DEUP1: variants seen among roughly 807,000 people sequenced by gnomAD.
DEUP1 encodes deuterosome assembly protein 1, also known as coiled-coil domain containing 67.
DEUP1 carries 82 observed loss-of-function variants against 87.4 expected under a neutral mutation model. That is an observed-to-expected ratio of 0.94 (90% CI 0.78 to 1.13). The LOEUF (loss-of-function observed/expected upper bound fraction) is 1.13, where lower values mean the gene tolerates loss of function less well. Among genes scored for constraint, DEUP1 ranks in the 50% most tolerant of loss-of-function variants. The pLI is 0.00. For synonymous variants in DEUP1, 214 were observed against 222.7 expected (o/e 0.96, Z 0.35); for missense variants, 663 against 681.5 (o/e 0.97, Z 0.30).
intron 7 of DEUP1, among the ~76,000 whole-genome samples, chr11:93,385,077 CT>C (rs1160662334): frequency 6.6e-6 from 1 of 152,118 alleles, no homozygotes; most frequent in Admixed American, 6.6e-5. Flanking sequence ...TAAAAATTAG[CT>C]GGGCATGGTG....
At chr11:93,399,374 G>A (rs182481715) in intron 11 of DEUP1, among the ~76,000 whole-genome samples, 1 of 151,752 alleles carries the variant, frequency 6.6e-6, no homozygotes, top group Admixed American at 6.6e-5. Context: ...ATTTGGAATT[G>A]AAGTAAGTTT....
At chr11:93,356,864 G>T in intron 3 of DEUP1, 84 bp from the exon 4 acceptor site, 1 of 816,072 alleles carries the variant, frequency 1.2e-6, no homozygotes, top group South Asian at 1.6e-5. Flanking sequence ...CATTTTATTT[G>T]AATTGTTCTT....
intron 7 of DEUP1, among the ~76,000 whole-genome samples, chr11:93,371,931 CTT>C (rs72050582): frequency 3.0e-4 from 42 of 139,594 alleles, no homozygotes; most frequent in East Asian, 1.5e-3. Context: ...ATATGTATTT[CTT>C]TTTTTTTTTT....
chr11:93,339,422 T>C (rs1450811561), intron 2 of DEUP1, among the ~76,000 whole-genome samples: 2 of 152,200 alleles, frequency 1.3e-5, no homozygotes, highest in African/African-American at 4.8e-5. Context: ...TGCAAATACT[T>C]TATGCTAATC....
intron 2 of DEUP1, among the ~76,000 whole-genome samples, chr11:93,350,265 A>G (rs1264091840): frequency 6.6e-6 from 1 of 152,194 alleles, no homozygotes; most frequent in Non-Finnish European, 1.5e-5. Flanking sequence ...ACAAAAGAAG[A>G]GGAAGTACAC....
intron 4 of DEUP1, among the ~76,000 whole-genome samples, chr11:93,361,158 C>A (rs927639354): frequency 9.9e-5 from 15 of 152,124 alleles, no homozygotes; most frequent in Middle Eastern, 6.8e-3. Context: ...GAGCTTTCAA[C>A]CCAGAATTCT....
intron 12 of DEUP1, among the ~76,000 whole-genome samples, chr11:93,409,456 AG>A (rs1434110094): frequency 6.6e-6 from 1 of 152,232 alleles, no homozygotes; most frequent in African/African-American, 2.4e-5. Context: ...AAAATAAGCA[AG>A]TTTATTTTAT....
intron 8 of DEUP1, among the ~76,000 whole-genome samples, chr11:93,388,717 G>C (rs914810209): frequency 9.2e-5 from 14 of 152,032 alleles, no homozygotes; most frequent in Non-Finnish European, 1.6e-4. Context: ...ATAGCATACA[G>C]TCTTTTCTTT....
intron 13 of DEUP1, among the ~76,000 whole-genome samples, chr11:93,415,385 G>T (rs145461407): frequency 2.0e-5 from 3 of 152,036 alleles, no homozygotes; most frequent in Non-Finnish European, 4.4e-5. Flanking sequence ...AAAAAAATGC[G>T]AGTGCTTGGG....
At chr11:93,351,335 G>A (rs1227327479) in intron 2 of DEUP1, among the ~76,000 whole-genome samples, 2 of 152,118 alleles carry the variant, frequency 1.3e-5, no homozygotes, top group Non-Finnish European at 2.9e-5. Flanking sequence ...ATTCTTACAT[G>A]CCAAAAGTTA....
chr11:93,346,228 AC>A (rs2134180602), intron 2 of DEUP1, among the ~76,000 whole-genome samples: 1 of 152,208 alleles, frequency 6.6e-6, no homozygotes, highest in South Asian at 2.1e-4. Context: ...CTGTTCTTGT[AC>A]CCATACCATG....
chr11:93,379,048 C>T (rs1179924768), intron 7 of DEUP1, among the ~76,000 whole-genome samples: 1 of 152,188 alleles, frequency 6.6e-6, no homozygotes. Flanking sequence ...ACATATTTCA[C>T]TAGTAGGCCC....
At chr11:93,364,997 A>C (rs999650348) in intron 5 of DEUP1, among the ~76,000 whole-genome samples, 1 of 152,118 alleles carries the variant, frequency 6.6e-6, no homozygotes, top group South Asian at 2.1e-4. Flanking sequence ...GAAAGATTAC[A>C]CTATAAATTC....
chr11:93,362,806 C>T (rs1945235827), intron 4 of DEUP1, among the ~76,000 whole-genome samples: 1 of 151,828 alleles, frequency 6.6e-6, no homozygotes, highest in Non-Finnish European at 1.5e-5. Flanking sequence ...ACATTTCTAT[C>T]AGTTGATGAA....
chr11:93,404,937 T>G (rs1428021769), intron 11 of DEUP1, among the ~76,000 whole-genome samples: 1 of 152,172 alleles, frequency 6.6e-6, no homozygotes, highest in Admixed American at 6.6e-5. Flanking sequence ...AACATGCAAA[T>G]ACATTACCTG....
intron 13 of DEUP1, among the ~76,000 whole-genome samples, chr11:93,435,852 C>T (rs979202568): frequency 1.3e-5 from 2 of 151,934 alleles, no homozygotes; most frequent in East Asian, 1.9e-4. Context: ...AAAAATTAGC[C>T]GGGAGTGGTG....
At chr11:93,420,325 C>G (rs995255472) in intron 13 of DEUP1, among the ~76,000 whole-genome samples, 1 of 152,278 alleles carries the variant, frequency 6.6e-6, no homozygotes, top group East Asian at 1.9e-4. Flanking sequence ...ACATGATTAT[C>G]TCAATAGATG....
At chr11:93,338,817 G>T (rs1421867903) in intron 2 of DEUP1, among the ~76,000 whole-genome samples, 2 of 152,200 alleles carry the variant, frequency 1.3e-5, no homozygotes, top group South Asian at 4.1e-4. Context: ...CAAAAGACTA[G>T]AGAAGAGTTG....
chr11:93,337,554 C>T (rs1456066907), intron 2 of DEUP1, among the ~76,000 whole-genome samples: 1 of 152,132 alleles, frequency 6.6e-6, no homozygotes, highest in Non-Finnish European at 1.5e-5. Context: ...TATATTCCTC[C>T]CCAGAGTAAT....
Sources: allele counts gnomAD v4.1 joint callset (sites outside exome capture counted in the v4.1 genomes callset), GRCh38; gene constraint gnomAD v4.1.1; transcripts MANE v1.5; gene names NCBI Gene and HGNC (gene_info 2026-07-23, HGNC 2026-07-21).